Variants in PLEKHM3 observed in about 807,000 individuals in gnomAD.
PLEKHM3 encodes the protein pleckstrin homology domain-containing family M member 3.
Under a neutral mutation model 81.8 loss-of-function variants are expected in PLEKHM3, and 45 were observed. That is an observed-to-expected ratio of 0.55 (90% CI 0.43 to 0.71). The LOEUF (loss-of-function observed/expected upper bound fraction) is 0.71. Ranked by LOEUF, PLEKHM3 falls within the 30% of genes least tolerant of loss-of-function variation. The pLI is 0.00. For missense variants in PLEKHM3, 788 were observed against 924.3 expected (o/e 0.85, Z 1.91); for synonymous variants, 352 against 356.4 (o/e 0.99, Z 0.14).
At chr2:207,861,991 A>G (rs896359883) in intron 6 of PLEKHM3, among the ~76,000 whole-genome samples, 1 of 152,134 alleles carries the variant, frequency 6.6e-6, no homozygotes, top group Admixed American at 6.5e-5. Context: ...CCACTGAGAT[A>G]TCTGCTCTCT....
chr2:207,908,502 C>T lies in PLEKHM3; in HGVS notation c.1950+12G>A, dbSNP rs1574395073. ...AAGCAACAAAAATGAAACAGCCCCT[C>T]TGAGCACTTACCTGCTGCAGGTCGG... On this transcript the variant is annotated intron_variant, in intron 6 of 7. Transcript: ENST00000427836. The T allele has an allele frequency of 6.2e-7, 1 of 1,608,550 alleles. No individual in the cohort carries two copies. The highest frequency in any genetic ancestry group is 8.5e-7 in the Non-Finnish European group (1 of 1,177,158).
At chr2:207,957,753 C>T (rs1041114660) in intron 3 of PLEKHM3, among the ~76,000 whole-genome samples, 1 of 152,026 alleles carries the variant, frequency 6.6e-6, no homozygotes, top group African/African-American at 2.4e-5. Context: ...TCTATTTCAG[C>T]AGAAGACATT....
rs142356804 is a variant in PLEKHM3 at position 208,003,440 on chromosome 2, C to T, written c.-318-1483G>A. Among the ~76,000 whole-genome samples the T allele has an allele frequency of 7.7e-3, 1,176 of 152,306 alleles. 5 individuals are homozygous for T. The highest frequency in any genetic ancestry group is 0.02 in the Middle Eastern group (6 of 294). On this transcript the variant is annotated intron_variant, in intron 1 of 7. Coordinates refer to ENST00000427836, the MANE Select transcript of PLEKHM3 (RefSeq NM_001080475.3). Reference sequence around the variant, plus strand: ...TACCTCTTAGGTCATTAAACCACTACATTTATATCAACAGCACCAATCTAC... The same window carrying T: ...TACCTCTTAGGTCATTAAACCACTATATTTATATCAACAGCACCAATCTAC...
chr2:207,920,819 G>A (rs1011138720), intron 5 of PLEKHM3, among the ~76,000 whole-genome samples: 4 of 152,084 alleles, frequency 2.6e-5, no homozygotes, highest in African/African-American at 9.7e-5. Flanking sequence ...AGGAGGGTCT[G>A]GCAAATGCTG....
chr2:207,995,346 C>A (rs1183780452), intron 2 of PLEKHM3, among the ~76,000 whole-genome samples: 2 of 152,244 alleles, frequency 1.3e-5, no homozygotes, highest in East Asian at 1.9e-4. Context: ...TCAACTATAC[C>A]TATATTGGTT....
chr2:207,992,117 T>C (rs546763513), intron 2 of PLEKHM3, among the ~76,000 whole-genome samples: 1 of 152,188 alleles, frequency 6.6e-6, no homozygotes, highest in African/African-American at 2.4e-5. Context: ...ACTTTAAATC[T>C]AGATCACACT....
intron 6 of PLEKHM3, among the ~76,000 whole-genome samples, chr2:207,889,875 C>T (rs1318452734): frequency 6.6e-6 from 1 of 152,128 alleles, no homozygotes; most frequent in East Asian, 1.9e-4. Context: ...TTGATCTCGG[C>T]TCACCGCAAC....
At chr2:207,936,846 AGTGT>A (rs57642698) in intron 4 of PLEKHM3, among the ~76,000 whole-genome samples, 31,159 of 146,684 alleles carry the variant, frequency 0.21, 3,188 homozygotes, top group Middle Eastern at 0.31. Context: ...TAGATAAATT[AGTGT>A]GTGTGTGTGT....
At chr2:207,833,499 T>G (rs573325045) in intron 7 of PLEKHM3, among the ~76,000 whole-genome samples, 21 of 152,260 alleles carry the variant, frequency 1.4e-4, no homozygotes, top group African/African-American at 4.1e-4. Context: ...TTTCTGTTTT[T>G]TTTTTTCTTG....
intron 3 of PLEKHM3, among the ~76,000 whole-genome samples, chr2:207,960,306 C>T (rs1690683738): frequency 6.6e-6 from 1 of 152,124 alleles, no homozygotes; most frequent in African/African-American, 2.4e-5. Context: ...CTTCAGGAAG[C>T]AGATTTCTGT....
chr2:207,835,508 A>T (rs1346870745), intron 7 of PLEKHM3, among the ~76,000 whole-genome samples: 1 of 151,712 alleles, frequency 6.6e-6, no homozygotes, highest in East Asian at 1.9e-4. Context: ...TCTGGGTTGT[A>T]CTCTCCTCTC....
rs758200612 is a variant in PLEKHM3 at position 207,930,995 on chromosome 2, TGCCGCA to T, written c.1811_1816del (p.Leu604_Arg605del). The T allele has an allele frequency of 6.2e-7, 1 of 1,613,768 alleles. No individual in the cohort carries two copies. Among genetic ancestry groups the T allele is most frequent in the Non-Finnish European group, 8.5e-7 (1 of 1,179,750 alleles). ...ATAGGCTCGGAGCGACTTCAGCCGC[TGCCGCA>T]GCCGCAGCACGGCGGCCAGCGGCTC... On this transcript the variant is annotated inframe_deletion, in exon 5 of 8. Coordinates refer to ENST00000427836, the MANE Select transcript of PLEKHM3 (RefSeq NM_001080475.3).
Position 208,002,747 on chromosome 2 carries a change from C to A in PLEKHM3, c.-318-790G>T, listed in dbSNP as rs1692353063. On this transcript the variant is annotated intron_variant, in intron 1 of 7. Coordinates refer to ENST00000427836, the MANE Select transcript of PLEKHM3 (RefSeq NM_001080475.3). ...CCCATGCTTTCAAACACTAGATTAC[C>A]AAGACCAGGCCAAATTAGAGCAGAC... Among the ~76,000 whole-genome samples the A allele has an allele frequency of 2.0e-5, 3 of 152,116 alleles. No individual in the cohort carries two copies. In the South Asian group the frequency reaches 6.3e-4, roughly 32 times the overall value.
In PLEKHM3 at chr2:207,977,525, A is replaced by G. The variant is rs747134842; in HGVS notation, c.672T>C (p.His224=). 6.2e-7 allele frequency: 1 copy of G among 1,614,100 alleles called. No homozygotes were observed. The highest frequency in any genetic ancestry group is 1.7e-5 in the Admixed American group (1 of 60,008). ...KKGYLEIRKD[H]DSYWQSCYAE... is the part of the protein sequence containing the mutation. The stretch of plus-strand genomic sequence containing the variant: ...CATAACAGCTTTGCCAGTAACTGTC[A>G]TGGTCCTTTCTAATCTCCAGGTAAC... The change falls in exon 3 of 8, where the codon CAT becomes CAC. Residue 224 remains histidine, a synonymous_variant. Transcript: ENST00000427836.
intron 6 of PLEKHM3, among the ~76,000 whole-genome samples, chr2:207,881,043 A>T (rs532455511): frequency 1.3e-5 from 2 of 151,576 alleles, no homozygotes; most frequent in Non-Finnish European, 2.9e-5. Context: ...AATATAGTAG[A>T]TCCTCTTCTG....
chr2:208,007,207 T>C (rs748839736), intron 1 of PLEKHM3, among the ~76,000 whole-genome samples: 3 of 152,198 alleles, frequency 2.0e-5, no homozygotes, highest in Non-Finnish European at 4.4e-5. Flanking sequence ...CTTATGTCTA[T>C]CAATTTTCAA....
At chr2:207,909,752 A>C (rs1574396569) in intron 5 of PLEKHM3, among the ~76,000 whole-genome samples, 2 of 152,230 alleles carry the variant, frequency 1.3e-5, no homozygotes, top group Non-Finnish European at 2.9e-5. Context: ...AAGAAAACAA[A>C]ACAAAAACTC....
In PLEKHM3 at chr2:207,996,467, T is replaced by TA. The variant is rs1418721831; in HGVS notation, c.610+4562dup. Among the ~76,000 whole-genome samples, 3 of 152,256 alleles carry TA rather than the reference T, an allele frequency of 2.0e-5. No individual in the cohort carries two copies. The East Asian group carries it at 5.8e-4, about 29-fold the overall frequency. ...GCCAGAATTCATTCATTTTACATTT[T>TA]AAAAATGTTTGAGCACATATTTTTG... On this transcript the variant is annotated intron_variant, in intron 2 of 7. Transcript: ENST00000427836.
chr2:208,005,242 T>A (rs1692459142), intron 1 of PLEKHM3, among the ~76,000 whole-genome samples: 1 of 152,244 alleles, frequency 6.6e-6, no homozygotes, highest in Non-Finnish European at 1.5e-5. Context: ...TCACAATTAA[T>A]GAACCAATAT....
Sources: gnomAD v4.1 joint callset for allele counts (sites outside exome capture counted in the v4.1 genomes callset) on GRCh38, gnomAD v4.1.1 for gene constraint, MANE v1.5 for transcripts, NCBI Gene and HGNC (gene_info 2026-07-23, HGNC 2026-07-21) for gene names.